Variants in CACNA1I observed in about 807,000 individuals in gnomAD.
CACNA1I encodes the protein voltage-dependent T-type calcium channel subunit alpha-1I.
CACNA1I carries 74 observed loss-of-function variants against 201.6 expected under a neutral mutation model. The ratio of observed to expected loss-of-function variants is 0.37; its 90% confidence interval spans 0.30 to 0.45. The LOEUF (loss-of-function observed/expected upper bound fraction) is 0.45, where lower values mean the gene tolerates loss of function less well. Among genes scored for constraint, CACNA1I ranks in the 20% least tolerant of loss-of-function variants. CACNA1I has a pLI of 1.00. For missense variants in CACNA1I, 2,346 were observed against 3,138.1 expected (o/e 0.75, Z 6.03); for synonymous variants, 1,431 against 1,345.2 (o/e 1.06, Z -1.40).
In CACNA1I at chr22:39,666,315, C is replaced by T. The variant is rs1011388667; in HGVS notation, c.4104+309C>T. On this transcript the variant is annotated intron_variant, in intron 23 of 36. Coordinates refer to ENST00000402142, the MANE Select transcript of CACNA1I (RefSeq NM_021096.4). The surrounding 1 kb of genome is among the most constrained non-coding windows in gnomAD (Gnocchi z 4.1). ...GACAGGAGTTTTAGAATCAAGCAGT[C>T]CTGGAGGTGAATCCAGCTCTGCCAC... Among the ~76,000 whole-genome samples the T allele has an allele frequency of 3.9e-5, 6 of 151,990 alleles. No homozygotes were observed. The highest frequency in any genetic ancestry group is 8.8e-5 in the Non-Finnish European group (6 of 67,982).
At position 39,647,833 on chromosome 22, in the gene CACNA1I, A is replaced by C; in HGVS notation, c.1474A>C (p.Lys492Gln). The C allele has an allele frequency of 1.2e-6, 2 of 1,604,078 alleles. No homozygotes were observed. The highest frequency in any genetic ancestry group is 2.2e-5 in the South Asian group (2 of 90,916). Residue 492 changes from lysine to glutamine, a missense_variant, in exon 9 of 37, where the codon AAG becomes CAG. By Grantham distance (53) the Lys-to-Gln change is moderately conservative (BLOSUM62 1). This residue lies in a region of CACNA1I where 312 missense variants were observed against 331.5 expected (regional missense o/e 0.94). Transcript: ENST00000402142. ...TCTCCACTTTTCAGATGGGAAGACT[A>C]AGGGTCAGGGAGATGAAGGGAGACA... is the stretch of plus-strand genomic sequence containing the variant. ...KEPRHYHGKT[K>Q]GQGDEGRHLG... is the part of the protein sequence containing the mutation.
At chr22:39,593,623 C>T (rs1932847639) in intron 1 of CACNA1I, among the ~76,000 whole-genome samples, 1 of 152,136 alleles carries the variant, frequency 6.6e-6, no homozygotes, top group Non-Finnish European at 1.5e-5. Context: ...GTCTACCTTG[C>T]GTACCAGGCT....
At chr22:39,678,199 G>A (rs1195065387) in intron 31 of CACNA1I, 91 bp downstream of exon 31, 1 of 1,449,468 alleles carries the variant, frequency 6.9e-7, no homozygotes, top group Non-Finnish European at 9.3e-7. Flanking sequence ...GCCCACCCAG[G>A]GCCCCACCAC....
intron 3 of CACNA1I, among the ~76,000 whole-genome samples, chr22:39,606,604 C>T (rs1055056542): frequency 6.6e-6 from 1 of 152,206 alleles, no homozygotes; most frequent in African/African-American, 2.4e-5. Context: ...GCCATCTCGG[C>T]TCACTACAAC....
intron 3 of CACNA1I, among the ~76,000 whole-genome samples, chr22:39,611,719 A>G (rs1042103214): frequency 6.6e-6 from 1 of 152,250 alleles, no homozygotes; most frequent in African/African-American, 2.4e-5. Context: ...CTACCCAGAA[A>G]TAAACCACTG....
chr22:39,577,327 C>T (rs140159174), intron 1 of CACNA1I, among the ~76,000 whole-genome samples: 2,470 of 152,340 alleles, frequency 0.016, 67 homozygotes, highest in African/African-American at 0.056. Flanking sequence ...GGAGCCACTG[C>T]GTCCAGCCAA....
In CACNA1I at chr22:39,660,366, C is replaced by T. The variant is rs60867664; in HGVS notation, c.2627C>T (p.Ser876Leu). 4 of 1,612,740 alleles carry T rather than the reference C, an allele frequency of 2.5e-6. No homozygotes were observed. Among genetic ancestry groups the T allele is most frequent in the African/African-American group, 2.7e-5 (2 of 75,014 alleles). ...CAGGGTGACGCCAATCGCTCCTACT[C>T]GGACGAGGACCAGAGCTCATCCAAC... ...QAEGDANRSYSDEDQSSSNIE... is the reference protein window; with the variant it reads ...QAEGDANRSYLDEDQSSSNIE... Residue 876 changes from serine to leucine, a missense_variant, in exon 15 of 37, where the codon TCG becomes TTG. Physicochemically the swap from Ser to Leu is moderately radical, Grantham distance 145. This residue lies in a region of CACNA1I where 92 missense variants were observed against 114.5 expected (regional missense o/e 0.80). Coordinates refer to ENST00000402142, the MANE Select transcript of CACNA1I (RefSeq NM_021096.4).
intron 29 of CACNA1I, among the ~76,000 whole-genome samples, chr22:39,674,383 C>T (rs1239992862): frequency 3.3e-5 from 5 of 152,132 alleles, no homozygotes; most frequent in African/African-American, 1.2e-4. Context: ...AGAAGAGTGC[C>T]AGACACTCCC....
chr22:39,599,018 G>T (rs1268418682), intron 2 of CACNA1I, among the ~76,000 whole-genome samples: 1 of 131,782 alleles, frequency 7.6e-6, no homozygotes, highest in Non-Finnish European at 1.5e-5. Context: ...GCGCGATCTC[G>T]GTTCACTGCA....
At chr22:39,670,296 C>A (rs1175812299) in intron 25 of CACNA1I, 66 bp downstream of exon 25, 2 of 1,515,152 alleles carry the variant, frequency 1.3e-6, no homozygotes, top group East Asian at 4.6e-5. Flanking sequence ...GGCCTGACCC[C>A]AGCCTCCTGA....
intron 2 of CACNA1I, among the ~76,000 whole-genome samples, chr22:39,598,941 G>GTTTTTTTTTTTTTTT (rs3044380): frequency 1.5e-5 from 1 of 68,242 alleles, no homozygotes; most frequent in Admixed American, 2.3e-4. Context: ...TGCCTCTTGG[G>GTTTTTTTTTTTTTTT]TTTTTTTTTT....
chr22:39,611,933 C>T (rs140370256), intron 3 of CACNA1I, among the ~76,000 whole-genome samples: 1 of 152,290 alleles, frequency 6.6e-6, no homozygotes, highest in African/African-American at 2.4e-5. Context: ...CGTCAGTCAA[C>T]TGGGCTTAAT....
At chr22:39,586,457 A>T (rs886845234) in intron 1 of CACNA1I, among the ~76,000 whole-genome samples, 1 of 152,146 alleles carries the variant, frequency 6.6e-6, no homozygotes, top group Non-Finnish European at 1.5e-5. Flanking sequence ...GTGCTACTGC[A>T]ATCCAGCCTG....
intron 4 of CACNA1I, among the ~76,000 whole-genome samples, 199 bp from the exon 5 acceptor site, chr22:39,634,366 T>C (rs527831993): frequency 6.6e-6 from 1 of 152,258 alleles, no homozygotes; most frequent in South Asian, 2.1e-4. Context: ...CCCAGAGCCA[T>C]TTCCATGGCT....
intron 1 of CACNA1I, among the ~76,000 whole-genome samples, chr22:39,572,639 C>T (rs1049558785): frequency 3.3e-5 from 5 of 152,110 alleles, no homozygotes; most frequent in East Asian, 1.9e-4. Flanking sequence ...AGGGTCTGCT[C>T]GGTAATTAGT....
Position 39,659,134 on chromosome 22 carries a change from G to C in CACNA1I, c.2330+18G>C. On this transcript the variant is annotated intron_variant, in intron 12 of 36. Transcript: ENST00000402142. The surrounding 1 kb of genome is among the most constrained non-coding windows in gnomAD (Gnocchi z 4.3). ...ATCTTCAGGTGAGCCTGCCCTGCTGGGGGCCATACCTCAGCACCTGCTGGG... is the reference window on the plus strand; with the variant it reads ...ATCTTCAGGTGAGCCTGCCCTGCTGCGGGCCATACCTCAGCACCTGCTGGG... 6.2e-7 allele frequency: 1 copy of C among 1,610,468 alleles called. No homozygotes were observed.
At chr22:39,642,565 G>A (rs1934376670) in intron 6 of CACNA1I, among the ~76,000 whole-genome samples, 1 of 152,204 alleles carries the variant, frequency 6.6e-6, no homozygotes, top group African/African-American at 2.4e-5. Context: ...TCAAGTCCTG[G>A]CACGTCCCCT....
intron 16 of CACNA1I, 96 bp downstream of exon 16, chr22:39,661,406 C>T (rs1283610097): frequency 3.0e-6 from 3 of 993,572 alleles, no homozygotes; most frequent in Non-Finnish European, 4.3e-6. Context: ...GCCTCAGACT[C>T]TGGTGCCCAG....
At chr22:39,624,195 G>A (rs776419467) in intron 4 of CACNA1I, among the ~76,000 whole-genome samples, 25 of 151,962 alleles carry the variant, frequency 1.6e-4, no homozygotes, top group Non-Finnish European at 2.5e-4. Context: ...GCGTGCGTGC[G>A]CCTTGCACGT....
Sources: gnomAD v4.1 joint callset for allele counts (sites outside exome capture counted in the v4.1 genomes callset) on GRCh38, gnomAD v4.1.1 for gene constraint, gnomAD v4.1.1 regional missense constraint, Gnocchi (gnomAD v3.1) non-coding constraint, MANE v1.5 for transcripts, NCBI Gene and HGNC (gene_info 2026-07-23, HGNC 2026-07-21) for gene names.